Variants in SEC16B observed in about 807,000 individuals in gnomAD.
SEC16B encodes the protein protein transport protein Sec16B.
SEC16B carries 115 observed loss-of-function variants against 141.8 expected under a neutral mutation model. That is an observed-to-expected ratio of 0.81 (90% CI 0.70 to 0.95). The LOEUF is 0.95. Ranked by LOEUF, SEC16B falls within the 40% of genes least tolerant of loss-of-function variation. The probability of loss-of-function intolerance (pLI) is 0.00; values close to 1 mark genes in which losing one functional copy is unlikely to be tolerated. For missense variants in SEC16B, 1,291 were observed against 1,312.3 expected, an observed-to-expected ratio of 0.98 and a Z score of 0.25; for synonymous variants, 493 against 492.5, an observed-to-expected ratio of 1.00 and a Z score of -0.01.
intron 9 of SEC16B, 90 bp from the exon 10 acceptor site, chr1:177,958,452 C>T (rs1239792345): frequency 3.7e-6 from 4 of 1,069,272 alleles, no homozygotes; most frequent in South Asian, 1.9e-5. Flanking sequence ...AGGGAGCCTG[C>T]CTTCTTCACA....
At position 177,960,328 on chromosome 1, in the gene SEC16B, T is replaced by C. The variant is rs1266515723; in HGVS notation, c.998+14A>G. ...TTCAAAAGCCCTTACTCAGCAGCTC[T>C]TACAGCACTATACCTAATCAAGGGT... is the stretch of plus-strand genomic sequence containing the variant. On this transcript the variant is annotated intron_variant, in intron 8 of 25. Transcript: ENST00000308284. The C allele has an allele frequency of 6.4e-7, 1 of 1,569,870 alleles. No individual in the cohort carries two copies. The highest frequency in any genetic ancestry group is 8.8e-7 in the Non-Finnish European group (1 of 1,142,758).
intron 18 of SEC16B, among the ~76,000 whole-genome samples, chr1:177,937,816 A>T (rs1650973006): frequency 6.6e-6 from 1 of 152,172 alleles, no homozygotes; most frequent in African/African-American, 2.4e-5. Context: ...GAAAAACCTT[A>T]AAAACTGAGT....
chr1:177,947,769 G>GGAGGTGAGGGGAGGGACAGGGAGGT, intron 13 of SEC16B, 56 bp downstream of exon 13: 1 of 1,045,486 alleles, frequency 9.6e-7, no homozygotes, highest in South Asian at 1.4e-5. Context: ...GACAGGGAGG[G>GGAGGTGAGGGGAGGGACAGGGAGGT]GAGGGGAGGG....
intron 1 of SEC16B, among the ~76,000 whole-genome samples, chr1:177,978,192 C>T (rs1654253540): frequency 6.6e-6 from 1 of 152,150 alleles, no homozygotes; most frequent in South Asian, 2.1e-4. Context: ...ACCTCTCAGG[C>T]TAAGTGTCCC....
At chr1:177,942,169 T>G in intron 15 of SEC16B, 129 bp from the exon 16 acceptor site, 1 of 1,012,754 alleles carries the variant, frequency 9.9e-7, no homozygotes, top group Non-Finnish European at 1.4e-6. Context: ...ACCAAGAGGC[T>G]TGTGCCATTT....
In SEC16B at chr1:177,937,386, G is replaced by A. The variant is rs767825165; in HGVS notation, c.2331C>T (p.Pro777=). 6.2e-7 allele frequency: 1 copy of A among 1,612,356 alleles called. No homozygotes were observed. Among genetic ancestry groups the A allele is most frequent in the Non-Finnish European group, 8.5e-7 (1 of 1,179,354 alleles). ...CTGCTGGGTAGGAGCCCGGCTGGAG[G>A]GGAAAGGGCTGCTGTGGGCTGGGCT... ...LLQPSPQQPF[P]LQPGSYPAGG... is the part of the protein sequence containing the mutation. The change falls in exon 19 of 26, where the codon CCC becomes CCT. Residue 777 remains proline, a synonymous_variant. Transcript: ENST00000308284.
intron 24 of SEC16B, among the ~76,000 whole-genome samples, chr1:177,932,139 T>C (rs1650464954): frequency 6.6e-6 from 1 of 152,214 alleles, no homozygotes; most frequent in South Asian, 2.1e-4. Flanking sequence ...CCAGTATGAC[T>C]GATGTCCCTA....
upstream of SEC16B, among the ~76,000 whole-genome samples, chr1:177,971,860 G>T (rs562814710): frequency 6.6e-6 from 1 of 152,140 alleles, no homozygotes. Context: ...TGTGTGAGCC[G>T]GTTGTTAAAC....
chr1:177,948,227 C>G (rs1651885130), intron 12 of SEC16B, among the ~76,000 whole-genome samples: 1 of 152,216 alleles, frequency 6.6e-6, no homozygotes, highest in Admixed American at 6.5e-5. Flanking sequence ...CTATTTTTCA[C>G]ATTTCTCCCC....
chr1:177,948,252 A>C (rs1156700100), intron 12 of SEC16B: 1 of 1,000,940 alleles, frequency 1.0e-6, no homozygotes, highest in Non-Finnish European at 1.3e-6. Flanking sequence ...CCTGACCCCC[A>C]GATAGCTAGA....
chr1:177,968,996 G>A (rs1027783806), intron 1 of SEC16B, among the ~76,000 whole-genome samples: 16 of 152,190 alleles, frequency 1.1e-4, no homozygotes, highest in Non-Finnish European at 4.4e-5. Flanking sequence ...ACGGGGTAGC[G>A]GGGGACAGGG....
Position 177,933,536 on chromosome 1 carries a change from G to A in SEC16B, c.2672C>T (p.Pro891Leu). The A allele has an allele frequency of 2.5e-6, 4 of 1,613,894 alleles. No homozygotes were observed. In the South Asian group the frequency reaches 4.4e-5, roughly 18 times the overall value. Residue 891 changes from proline (P) to leucine (L), a missense_variant, in exon 21 of 26, where the codon CCC (proline) becomes CTC (leucine). This residue lies in a region of SEC16B where 605 missense variants were observed against 614.1 expected (regional missense o/e 0.99). Transcript: ENST00000308284. ...CTTGCCTCTCTGGGCAGTATTTCGG[G>A]GAGAGTTTTTATCAGCCTCATCAGA... ...ESSDEADKNS[P>L]RNTAQRGKLG... is the part of the protein sequence containing the mutation.
intron 14 of SEC16B, chr1:177,945,601 C>A (rs1321470483): frequency 6.6e-6 from 1 of 152,292 alleles, no homozygotes; most frequent in Non-Finnish European, 1.5e-5. Context: ...GAATCCAACT[C>A]ACCCACACCC....
At chr1:177,975,964 A>G (rs1245939697) in intron 1 of SEC16B, among the ~76,000 whole-genome samples, 1 of 152,146 alleles carries the variant, frequency 6.6e-6, no homozygotes, top group Non-Finnish European at 1.5e-5. Flanking sequence ...TGTGCCAAGA[A>G]AAGATGGTGC....
At chr1:177,977,150 C>G (rs1654199292) in intron 1 of SEC16B, among the ~76,000 whole-genome samples, 1 of 152,258 alleles carries the variant, frequency 6.6e-6, no homozygotes, top group East Asian at 1.9e-4. Context: ...TTTACATGTG[C>G]AATGGGACAG....
chr1:177,979,644 G>A lies in SEC16B; in HGVS notation c.-59+4562C>T, dbSNP rs1654320334. On this transcript the variant is annotated intron_variant and NMD_transcript_variant, in intron 1 of 24. Transcript: ENST00000528461. Reference sequence around the variant, plus strand: ...AGAAGATGATTTTCTAAGTGTATTAGTCCATTTTCATGCTGCTGATAAAGA... The same window carrying A: ...AGAAGATGATTTTCTAAGTGTATTAATCCATTTTCATGCTGCTGATAAAGA... 3.9e-5 allele frequency among the ~76,000 whole-genome samples: 6 copies of A among 152,226 alleles called. No homozygotes were observed. The South Asian group carries it at 1.2e-3, about 32-fold the overall frequency.
Position 177,946,536 on chromosome 1 carries a change from G to C in SEC16B, c.1664-5C>G, listed in dbSNP as rs370130122. On this transcript the variant is annotated splice_polypyrimidine_tract_variant and splice_region_variant and intron_variant, in intron 13 of 25. Transcript: ENST00000308284. ...CCTCCACAAGCCCCTTCCCAGCTGC[G>C]GGAGGAAGAGAACAAGACCCAATCA... 23 of 1,563,180 alleles carry C rather than the reference G, an allele frequency of 1.5e-5. No homozygotes were observed. Among genetic ancestry groups the C allele is most frequent in the Admixed American group, 1.9e-5 (1 of 53,140 alleles).
chr1:177,961,344 G>A (rs1484019163), intron 6 of SEC16B: 5 of 509,436 alleles, frequency 9.8e-6, no homozygotes, highest in African/African-American at 2.0e-5. Flanking sequence ...GCACCACTGA[G>A]TGCCTCCTTT....
At chr1:177,944,688 A>T (rs1449139152) in intron 14 of SEC16B, 22 bp from the exon 15 acceptor site, 1 of 1,595,006 alleles carries the variant, frequency 6.3e-7, no homozygotes, top group Non-Finnish European at 8.6e-7. Context: ...GAATAACAAT[A>T]AAAGAGATTG....
Sources: allele counts gnomAD v4.1 joint callset (sites outside exome capture counted in the v4.1 genomes callset), GRCh38; gene constraint gnomAD v4.1.1; regional missense constraint gnomAD v4.1.1; transcripts MANE v1.5; gene names NCBI Gene and HGNC (gene_info 2026-07-23, HGNC 2026-07-21).